The following DHRSX variants were observed in gnomAD, a reference collection of about 807,000 sequenced individuals.
DHRSX encodes polyprenol dehydrogenase.
In DHRSX, 31 loss-of-function variants were observed where a neutral mutation model predicts 34.0. That is an observed-to-expected ratio of 0.91 (90% CI 0.69 to 1.23). The LOEUF (loss-of-function observed/expected upper bound fraction) is 1.23, where lower values mean the gene tolerates loss of function less well. DHRSX is among the 50% of genes most tolerant of loss of function. The pLI, the probability that DHRSX is intolerant of heterozygous loss-of-function variation, is 0.00. For synonymous variants in DHRSX, 201 were observed against 183.8 expected (o/e 1.09, Z -0.76); for missense variants, 414 against 428.1 (o/e 0.97, Z 0.29).
chrX:2,357,700 T>C (rs1038975624), intron 3 of DHRSX, among the ~76,000 whole-genome samples: 2 of 125,166 alleles, frequency 1.6e-5, no homozygotes, highest in Non-Finnish European at 3.4e-5. Context: ...CTCAGGAAAT[T>C]AAAAAAAAAA....
At chrX:2,319,458 G>A (rs1194515714) in intron 3 of DHRSX, among the ~76,000 whole-genome samples, 1 of 149,350 alleles carries the variant, frequency 6.7e-6, no homozygotes, top group Non-Finnish European at 1.5e-5. Flanking sequence ...CAGAAGAAGT[G>A]CTTGAACCCA....
intron 3 of DHRSX, among the ~76,000 whole-genome samples, chrX:2,352,582 C>G (rs2042801272): frequency 6.6e-6 from 1 of 152,178 alleles, no homozygotes; most frequent in African/African-American, 2.4e-5. Context: ...TACAGATCAT[C>G]TGACACTTCT....
intron 1 of DHRSX, among the ~76,000 whole-genome samples, chrX:2,480,924 T>G (rs1173098934): frequency 6.6e-6 from 1 of 152,040 alleles, no homozygotes; most frequent in Non-Finnish European, 1.5e-5. Context: ...ATACATTGCG[T>G]TTTTCAAAAT....
chrX:2,455,284 G>A (rs1417264023), intron 1 of DHRSX, among the ~76,000 whole-genome samples: 1 of 151,958 alleles, frequency 6.6e-6, no homozygotes, highest in Non-Finnish European at 1.5e-5. Flanking sequence ...AGACTCCGGG[G>A]CCTGCTGGAA....
chrX:2,478,478 C>T (rs1403932059), intron 1 of DHRSX, among the ~76,000 whole-genome samples: 1 of 151,762 alleles, frequency 6.6e-6, no homozygotes, highest in East Asian at 1.9e-4. Context: ...AAGACGTTCC[C>T]TAAGAATGTG....
At chrX:2,243,258 G>C in intron 5 of DHRSX, 28 bp from the exon 6 acceptor site, 2 of 1,602,794 alleles carry the variant, frequency 1.2e-6, no homozygotes, top group Non-Finnish European at 1.7e-6. Context: ...GAAGGTGTAA[G>C]AGGCTGACGG....
In DHRSX at chrX:2,283,039, G is replaced by GGAGAGA. The variant is rs1340634064; in HGVS notation, c.388+8457_388+8462dup. 4.6e-5 allele frequency among the ~76,000 whole-genome samples: 7 copies of GGAGAGA among 151,612 alleles called. No individual in the cohort carries two copies. The South Asian group carries it at 1.5e-3, about 32-fold the overall frequency. On this transcript the variant is annotated intron_variant, in intron 4 of 6. Coordinates refer to ENST00000334651, the MANE Select transcript of DHRSX (RefSeq NM_145177.3). ...AATGACAGAGAGACGGGGAGAAGGAGGAGAGAGAGACAGAGAGTTACAGAA... is the reference window on the plus strand; with the variant it reads ...AATGACAGAGAGACGGGGAGAAGGAGGAGAGAGAGAGAGAGACAGAGAGTTACAGAA...
intron 3 of DHRSX, among the ~76,000 whole-genome samples, chrX:2,326,758 T>C (rs965169389): frequency 1.3e-5 from 2 of 152,000 alleles, no homozygotes; most frequent in Non-Finnish European, 2.9e-5. Context: ...GAAATTACTT[T>C]AGCGCAGTCA....
At chrX:2,265,861 G>GTCCCCAGAGCACCAATGC (rs2041455172) in intron 5 of DHRSX, among the ~76,000 whole-genome samples, 1 of 140,890 alleles carries the variant, frequency 7.1e-6, no homozygotes, top group Non-Finnish European at 1.5e-5. Context: ...AGGGAGCACC[G>GTCCCCAGAGCACCAATGC]TCCCCAGAGC....
At chrX:2,313,206 G>C (rs777826914) in intron 3 of DHRSX, among the ~76,000 whole-genome samples, 242 of 151,812 alleles carry the variant, frequency 1.6e-3, no homozygotes, top group Non-Finnish European at 2.8e-3. Flanking sequence ...GTTTCACCAT[G>C]TTGGCCAGGC....
At chrX:2,401,549 G>A (rs1437531597) in intron 3 of DHRSX, among the ~76,000 whole-genome samples, 1 of 152,190 alleles carries the variant, frequency 6.6e-6, no homozygotes, top group East Asian at 1.9e-4. Context: ...TAGGATTACA[G>A]GGGTTCCACC....
At chrX:2,345,397 C>G (rs2042692985) in intron 3 of DHRSX, among the ~76,000 whole-genome samples, 2 of 150,256 alleles carry the variant, frequency 1.3e-5, no homozygotes, top group African/African-American at 2.5e-5. Flanking sequence ...AATCCCAGCA[C>G]TTTGGGCAGC....
Position 2,346,662 on chromosome X carries a change from G to GTTGT in DHRSX, c.287-55063_287-55060dup, listed in dbSNP as rs1328572277. On this transcript the variant is annotated intron_variant, in intron 3 of 6. Transcript: ENST00000334651. ...TGAGTCTGGTTTTTTTTTTGTTGTT[G>GTTGT]TTGTTTAATACTTTAAGTCCTGGGG... 1.1e-4 allele frequency among the ~76,000 whole-genome samples: 17 copies of GTTGT among 150,558 alleles called. 1 individual carries two copies. Among genetic ancestry groups the GTTGT allele is most frequent in the African/African-American group, 3.9e-4 (16 of 40,976 alleles).
chrX:2,258,493 G>C (rs1016737560), intron 5 of DHRSX, among the ~76,000 whole-genome samples: 9 of 152,064 alleles, frequency 5.9e-5, no homozygotes, highest in Non-Finnish European at 1.0e-4. Context: ...GAGGAGATGA[G>C]GACACAGACA....
At chrX:2,347,509 T>C (rs1233843602) in intron 3 of DHRSX, among the ~76,000 whole-genome samples, 1 of 152,140 alleles carries the variant, frequency 6.6e-6, no homozygotes, top group Non-Finnish European at 1.5e-5. Flanking sequence ...GCTTGGCCAA[T>C]TTGGCAAAAG....
At chrX:2,483,321 T>C (rs1442766550) in intron 1 of DHRSX, among the ~76,000 whole-genome samples, 2 of 152,056 alleles carry the variant, frequency 1.3e-5, no homozygotes, top group Non-Finnish European at 2.9e-5. Context: ...TGGAGTGCAG[T>C]GGTATGTTCA....
chrX:2,241,905 G>A (rs756405572), intron 6 of DHRSX, among the ~76,000 whole-genome samples: 3 of 151,994 alleles, frequency 2.0e-5, no homozygotes, highest in African/African-American at 4.8e-5. Flanking sequence ...ACGAAACTCC[G>A]TCTCAAAAAA....
At chrX:2,267,521 G>C (rs1569482000) in intron 4 of DHRSX, among the ~76,000 whole-genome samples, 1 of 147,760 alleles carries the variant, frequency 6.8e-6, no homozygotes, top group Non-Finnish European at 1.5e-5. Flanking sequence ...CTCCAGCCTG[G>C]TGACAGAGCG....
intron 3 of DHRSX, among the ~76,000 whole-genome samples, chrX:2,373,121 C>T (rs2043099112): frequency 6.6e-6 from 1 of 152,210 alleles, no homozygotes. Flanking sequence ...GGCAAAATGG[C>T]TCCTGTAGGG....
Sources: gnomAD v4.1 joint callset for allele counts (sites outside exome capture counted in the v4.1 genomes callset) on GRCh38, gnomAD v4.1.1 for gene constraint, MANE v1.5 for transcripts, NCBI Gene and HGNC (gene_info 2026-07-23, HGNC 2026-07-21) for gene names.